MBNL2: variants seen among roughly 807,000 people sequenced by gnomAD.
MBNL2 encodes the protein muscleblind-like protein 2.
A neutral mutation model predicts 41.9 loss-of-function variants in MBNL2; 17 were observed. The observed-to-expected ratio is 0.41, with a 90% CI of 0.28 to 0.61. The LOEUF is 0.61. Ranked by LOEUF, MBNL2 falls within the 20% of genes least tolerant of loss-of-function variation. MBNL2 has a pLI of 0.35. For synonymous variants in MBNL2, 195 were observed against 182.9 expected (o/e 1.07, Z -0.53); for missense variants, 336 against 505.6 (o/e 0.66, Z 3.22).
chr13:97,333,682 A>T (rs958113075), intron 2 of MBNL2, among the ~76,000 whole-genome samples: 1 of 152,208 alleles, frequency 6.6e-6, no homozygotes, highest in Non-Finnish European at 1.5e-5. Flanking sequence ...GCTAATCTGG[A>T]ACACACATTT....
chr13:97,343,419 A>G (rs1165923278), intron 4 of MBNL2, among the ~76,000 whole-genome samples: 2 of 152,254 alleles, frequency 1.3e-5, no homozygotes, highest in African/African-American at 4.8e-5. Context: ...TATGGAAAAG[A>G]CTAGTTTTAA....
At chr13:97,288,889 C>T (rs1047563001) in intron 2 of MBNL2, among the ~76,000 whole-genome samples, 1 of 152,180 alleles carries the variant, frequency 6.6e-6, no homozygotes, top group Non-Finnish European at 1.5e-5. Context: ...AGCCATCCTG[C>T]CTGACCAAAC....
intron 8 of MBNL2, among the ~76,000 whole-genome samples, chr13:97,383,561 C>T (rs2153163156): frequency 6.6e-6 from 1 of 152,192 alleles, no homozygotes; most frequent in African/African-American, 2.4e-5. Flanking sequence ...ATCATTGAAA[C>T]TAGGGGAATT....
Position 97,388,314 on chromosome 13 carries a change from C to CATATATATAT in MBNL2, c.1049-2995_1049-2986dup, listed in dbSNP as rs34389348. On this transcript the variant is annotated intron_variant, in intron 8 of 8. Transcript: ENST00000679496. Reference sequence around the variant, plus strand: ...AAAAGTTTATACATATACATACATACATATATATATATATATATATATCAT... The same window carrying CATATATATAT: ...AAAAGTTTATACATATACATACATACATATATATATATATATATATATATATATATATCAT... Among the ~76,000 whole-genome samples, 184 of 139,716 alleles carry CATATATATAT rather than the reference C, an allele frequency of 1.3e-3. 1 individual carries two copies. Among genetic ancestry groups the CATATATATAT allele is most frequent in the Middle Eastern group, 4.0e-3 (1 of 250 alleles). 91.7% of individuals were successfully genotyped at this position (139,716 alleles called of 152,430 possible).
the MBNL2 span, among the ~76,000 whole-genome samples, chr13:97,169,704 A>C: frequency 6.6e-6 from 1 of 152,180 alleles, no homozygotes; most frequent in Non-Finnish European, 1.5e-5. Context: ...AAAAGTATAC[A>C]CTACTCTTGC....
At chr13:97,244,887 C>A (rs1162633843) in intron 1 of MBNL2, among the ~76,000 whole-genome samples, 2 of 152,092 alleles carry the variant, frequency 1.3e-5, no homozygotes, top group African/African-American at 4.8e-5. Flanking sequence ...TACTGAAGAG[C>A]TTGAATTATA....
intron 2 of MBNL2, among the ~76,000 whole-genome samples, chr13:97,288,720 A>G (rs373199031): frequency 1.3e-5 from 2 of 152,224 alleles, no homozygotes; most frequent in African/African-American, 4.8e-5. Context: ...CCTCTGGCTC[A>G]AAGATTATAG....
intron 1 of MBNL2, among the ~76,000 whole-genome samples, chr13:97,230,709 A>T (rs1254713196): frequency 1.3e-5 from 2 of 152,216 alleles, no homozygotes; most frequent in African/African-American, 4.8e-5. Flanking sequence ...ACTATTAAGC[A>T]CCATAGCCTA....
chr13:97,151,260 T>C, the MBNL2 span, among the ~76,000 whole-genome samples: 1 of 152,168 alleles, frequency 6.6e-6, no homozygotes, highest in Non-Finnish European at 1.5e-5. Flanking sequence ...AAAAGGGGGC[T>C]GCAAATAGGG....
chr13:97,258,794 C>T (rs1208369194), intron 1 of MBNL2, among the ~76,000 whole-genome samples: 2 of 152,154 alleles, frequency 1.3e-5, no homozygotes. Context: ...TAGATTATCT[C>T]CGGCATAGGA....
intron 2 of MBNL2, among the ~76,000 whole-genome samples, chr13:97,288,731 T>C (rs1165917209): frequency 6.6e-6 from 1 of 152,204 alleles, no homozygotes; most frequent in Non-Finnish European, 1.5e-5. Context: ...AAGATTATAG[T>C]CCAGTGTATA....
chr13:97,231,273 C>A (rs1002015130), intron 1 of MBNL2, among the ~76,000 whole-genome samples: 5 of 152,196 alleles, frequency 3.3e-5, no homozygotes, highest in Admixed American at 3.3e-4. Flanking sequence ...CTCTCATGTG[C>A]CTGCGAATCA....
At chr13:97,191,867 C>T in the MBNL2 span, among the ~76,000 whole-genome samples, 1 of 152,222 alleles carries the variant, frequency 6.6e-6, no homozygotes, top group Non-Finnish European at 1.5e-5. Flanking sequence ...CCACACCCTG[C>T]ATCTGCCATG....
the MBNL2 span, among the ~76,000 whole-genome samples, chr13:97,195,028 G>T: frequency 4.0e-5 from 6 of 151,598 alleles, no homozygotes; most frequent in African/African-American, 9.7e-5. Context: ...TTTTTTCTTT[G>T]CTTCTCTAAT....
intron 3 of MBNL2, among the ~76,000 whole-genome samples, chr13:97,335,565 G>A (rs559754172): frequency 1.3e-5 from 2 of 152,126 alleles, no homozygotes; most frequent in Non-Finnish European, 2.9e-5. Context: ...AGAGTAGCCA[G>A]GAACCAGCTC....
Position 97,384,100 on chromosome 13 carries a change from C to T in MBNL2, c.1049-7222C>T, listed in dbSNP as rs182350174. On this transcript the variant is annotated intron_variant, in intron 8 of 8. Transcript: ENST00000679496. ...TTTTTAGTAGAGACAGGGTTTCAACCACGTTGGCCAGGCTGGTCTCGAACT... is the reference window on the plus strand; with the variant it reads ...TTTTTAGTAGAGACAGGGTTTCAACTACGTTGGCCAGGCTGGTCTCGAACT... Among the ~76,000 whole-genome samples the T allele has an allele frequency of 2.1e-3, 326 of 152,028 alleles. 2 individuals carry two copies. Among genetic ancestry groups the T allele is most frequent in the Middle Eastern group, 0.01 (3 of 294 alleles).
At chr13:97,161,731 G>A in the MBNL2 span, among the ~76,000 whole-genome samples, 244 of 152,224 alleles carry the variant, frequency 1.6e-3, 1 homozygote, top group African/African-American at 5.3e-3. Flanking sequence ...TGAAATAACT[G>A]GGAACTTGAG....
intron 8 of MBNL2, among the ~76,000 whole-genome samples, chr13:97,374,062 C>CTTTTTTTTTT (rs1594284568): frequency 2.4e-4 from 13 of 53,378 alleles, no homozygotes; most frequent in Admixed American, 6.6e-4. Context: ...TCCTCCTTTG[C>CTTTTTTTTTT]ATTTTTTTTT....
At chr13:97,231,357 C>T (rs1050579817) in intron 1 of MBNL2, among the ~76,000 whole-genome samples, 3 of 152,210 alleles carry the variant, frequency 2.0e-5, no homozygotes, top group African/African-American at 7.2e-5. Context: ...ACATTTGTAA[C>T]AGGCTCCAGG....
Sources: gnomAD v4.1 joint callset for allele counts (sites outside exome capture counted in the v4.1 genomes callset) on GRCh38, gnomAD v4.1.1 for gene constraint, MANE v1.5 for transcripts, NCBI Gene and HGNC (gene_info 2026-07-23, HGNC 2026-07-21) for gene names.